Variants in MYO7A observed in about 807,000 individuals in gnomAD.
MYO7A encodes unconventional myosin-VIIa.
A neutral mutation model predicts 263.8 loss-of-function variants in MYO7A; 210 were observed. The observed-to-expected ratio is 0.80, with a 90% CI of 0.71 to 0.89. The LOEUF (loss-of-function observed/expected upper bound fraction) is 0.89, where lower values mean the gene tolerates loss of function less well. MYO7A is among the 40% of genes least tolerant of loss of function. MYO7A has a pLI of 0.00. For synonymous variants in MYO7A, 1,239 were observed against 1,197.3 expected (o/e 1.03, Z -0.72); for missense variants, 2,820 against 2,968.3 (o/e 0.95, Z 1.16).
Position 77,158,415 on chromosome 11 carries a change from A to C in MYO7A, c.988A>C (p.Asn330His). Reference protein sequence around the residue: ...KLLAAILHLGNLQYEARTFEN... With the variant: ...KLLAAILHLGHLQYEARTFEN... ...CCTGGCTGCCATCCTGCACCTGGGC[A>C]ACCTGCAGTATGAGGGTGAGGCTGC... The change falls in exon 9 of 49, where the codon AAC becomes CAC. Residue 330 changes from asparagine (N) to histidine (H), a missense_variant. Asn to His is a moderately conservative substitution (Grantham distance 68). Transcript: ENST00000409709. The C allele has an allele frequency of 6.2e-7, 1 of 1,612,126 alleles. No individual in the cohort carries two copies. The highest frequency in any genetic ancestry group is 8.5e-7 in the Non-Finnish European group (1 of 1,179,676).
rs1555067632 is a variant in MYO7A at position 77,160,262 on chromosome 11, G to A, written c.1180G>A (p.Val394Met). Residue 394 changes from valine (V) to methionine (M), a missense_variant, in exon 11 of 49, where the codon GTG becomes ATG. Val to Met is a conservative substitution (Grantham distance 21, BLOSUM62 1). Coordinates refer to ENST00000409709, the MANE Select transcript of MYO7A (RefSeq NM_000260.4). ...TPLSREQALD[V>M]RDAFVKGIYG... ...ACTGAGCAGGGAACAGGCACTGGAC[G>A]TGCGCGACGCCTTCGTAAAGGTGGG... 9.6e-6 allele frequency: 15 copies of A among 1,570,196 alleles called. No homozygotes were observed. The highest frequency in any genetic ancestry group is 1.9e-5 in the Admixed American group (1 of 53,988).
intron 13 of MYO7A, 46 bp from the exon 14 acceptor site, chr11:77,162,806 GC>G: frequency 6.3e-7 from 1 of 1,593,062 alleles, no homozygotes; most frequent in Non-Finnish European, 8.6e-7. Flanking sequence ...GGGGAGTGGG[GC>G]CCATGGAGGA....
intron 27 of MYO7A, among the ~76,000 whole-genome samples, chr11:77,185,210 G>A (rs980298337): frequency 3.3e-5 from 5 of 152,154 alleles, no homozygotes; most frequent in African/African-American, 9.7e-5. Flanking sequence ...GCTGAAGGTC[G>A]AGGTGGCTGC....
intron 10 of MYO7A, 119 bp from the exon 11 acceptor site, chr11:77,160,044 G>T: frequency 7.0e-7 from 1 of 1,425,752 alleles, no homozygotes; most frequent in East Asian, 2.5e-5. Flanking sequence ...CCTGGGGCAG[G>T]CGTGCTTAGT....
chr11:77,206,043 C>G, intron 40 of MYO7A, 54 bp from the exon 41 acceptor site: 1 of 1,404,174 alleles, frequency 7.1e-7, no homozygotes, highest in South Asian at 1.2e-5. Context: ...TCCCGGTCCC[C>G]TGGTCTCCAC....
In MYO7A at chr11:77,169,995, T is replaced by C. The variant is rs1016716110; in HGVS notation, c.1798-2753T>C. 2.0e-5 allele frequency among the ~76,000 whole-genome samples: 3 copies of C among 152,126 alleles called. No individual in the cohort carries two copies. The East Asian group carries it at 5.8e-4, about 29-fold the overall frequency. On this transcript the variant is annotated intron_variant, in intron 15 of 48. Coordinates refer to ENST00000409709, the MANE Select transcript of MYO7A (RefSeq NM_000260.4). ...GGAGGCTGAGACAGGAGGCCGAGTC[T>C]GGGAGGTCGAGGCTGCAATGAGCCA...
intron 14 of MYO7A, among the ~76,000 whole-genome samples, chr11:77,164,121 C>T (rs1953302003): frequency 6.6e-6 from 1 of 152,166 alleles, no homozygotes; most frequent in South Asian, 2.1e-4. Flanking sequence ...TCTTCTTTTC[C>T]CCTGGGGACA....
intron 9 of MYO7A, 33 bp from the exon 10 acceptor site, chr11:77,159,414 C>CCCCCCCA: frequency 7.3e-7 from 1 of 1,376,280 alleles, no homozygotes; most frequent in Admixed American, 1.7e-5. Flanking sequence ...CCCACCCTCC[C>CCCCCCCA]TCCCCTGATG....
rs763149544 is a variant in MYO7A, at chr11:77,203,040, C to T, written c.5169-20C>T. The stretch of plus-strand genomic sequence containing the variant: ...GCTGCCAGCGATGGGGCGTTGCTGA[C>T]GGTCCCTGTGCTGCGGCAGGCCCCC... On this transcript the variant is annotated intron_variant, in intron 37 of 48. Transcript: ENST00000409709. 4.1e-5 allele frequency: 64 copies of T among 1,545,200 alleles called. No individual in the cohort carries two copies. The highest frequency in any genetic ancestry group is 1.5e-4 in the African/African-American group (11 of 72,930).
At position 77,201,521 on chromosome 11, in the gene MYO7A, G is replaced by C; in HGVS notation, c.4926G>C (p.Gln1642His). Residue 1642 changes from glutamine (Q) to histidine (H), a missense_variant, in exon 36 of 49, where the codon CAG becomes CAC. Gln to His is a conservative substitution (Grantham distance 24). Transcript: ENST00000409709. ...TCCTGGACCATGACACGGGCGAGCA[G>C]GTCATGAACTCGGGCTGGGCCAACG... ...LIILDHDTGE[Q>H]VMNSGWANGI... The C allele has an allele frequency of 1.2e-6, 2 of 1,613,984 alleles. No homozygotes were observed. Among genetic ancestry groups the C allele is most frequent in the Non-Finnish European group, 1.7e-6 (2 of 1,179,904 alleles).
chr11:77,153,768 T>C (rs548242172), intron 4 of MYO7A, among the ~76,000 whole-genome samples: 75 of 152,196 alleles, frequency 4.9e-4, no homozygotes, highest in South Asian at 1.2e-3. Context: ...CTGTGCTTGC[T>C]ACCAGCGGCT....
intron 41 of MYO7A, chr11:77,206,941 T>G: frequency 1.0e-5 from 2 of 195,374 alleles, no homozygotes; most frequent in Non-Finnish European, 1.0e-5. Flanking sequence ...TCCCCTCCGC[T>G]TTTGGGTTTG....
chr11:77,182,641 C>T (rs967811343), intron 25 of MYO7A, 41 bp downstream of exon 25: 14 of 1,604,982 alleles, frequency 8.7e-6, no homozygotes, highest in Admixed American at 3.3e-5. Context: ...CCTCCCAGGC[C>T]GACAAGGAGG....
At chr11:77,196,110 T>C (rs1956643088) in intron 32 of MYO7A, among the ~76,000 whole-genome samples, 2 of 152,254 alleles carry the variant, frequency 1.3e-5, no homozygotes, top group African/African-American at 4.8e-5. Context: ...GGCTCACGCC[T>C]GTAATCCCAG....
chr11:77,154,659 T>C (rs4944143), intron 4 of MYO7A, among the ~76,000 whole-genome samples: 77,353 of 148,456 alleles, frequency 0.52, 21,368 homozygotes, highest in African/African-American at 0.7. Flanking sequence ...GCTTGGCTCT[T>C]GTGGTACGGT....
rs1476822661 is a variant in MYO7A at position 77,204,073 on chromosome 11, C to T, written c.5327-3C>T. The T allele has an allele frequency of 3.8e-6, 6 of 1,597,968 alleles. No homozygotes were observed. Among genetic ancestry groups the T allele is most frequent in the East Asian group, 4.6e-5 (2 of 43,912 alleles). On this transcript the variant is annotated splice_polypyrimidine_tract_variant and splice_region_variant and intron_variant, in intron 38 of 48. Coordinates refer to ENST00000409709, the MANE Select transcript of MYO7A (RefSeq NM_000260.4). ...GCACAAGCCCTTCCTTGACAGTCCC[C>T]AGCTGTGCTCAAGTACATGGGCGAC...
In MYO7A at chr11:77,172,741, CCCCCAG is replaced by C. The variant is rs1954228047; in HGVS notation, c.1798-6_1798-1del. 2.6e-6 allele frequency: 4 copies of C among 1,553,820 alleles called. No homozygotes were observed. Among genetic ancestry groups the C allele is most frequent in the Admixed American group, 3.9e-5 (2 of 51,648 alleles). ...GCCCCTCCCATCGCTGCCGTCCGTC[CCCCCAG>C]GGCGCCGAGACCAGGAAGCGCTCGC... On this transcript the variant is annotated splice_acceptor_variant and splice_polypyrimidine_tract_variant and intron_variant, in intron 15 of 48. Coordinates refer to ENST00000409709, the MANE Select transcript of MYO7A (RefSeq NM_000260.4). LOFTEE classifies it high-confidence loss of function.
At chr11:77,173,256 A>G (rs1162598287) in intron 16 of MYO7A, among the ~76,000 whole-genome samples, 1 of 152,346 alleles carries the variant, frequency 6.6e-6, no homozygotes, top group East Asian at 1.9e-4. Context: ...ACACCCAGCA[A>G]GTGCCCAGTG....
At position 77,156,059 on chromosome 11, in the gene MYO7A, A is replaced by G; in HGVS notation, c.438A>G (p.Lys146=). The G allele has an allele frequency of 6.2e-7, 1 of 1,613,924 alleles. No individual in the cohort carries two copies. Among genetic ancestry groups the G allele is most frequent in the Non-Finnish European group, 8.5e-7 (1 of 1,179,876 alleles). ...CTGACAACTGCTACTTCAACATGAA[A>G]CGCAACAGCCGAGACCAGTGCTGCA... ...AIADNCYFNM[K]RNSRDQCCII... The change falls in exon 5 of 49, where the codon AAA becomes AAG. Residue 146 remains lysine (K), a synonymous_variant. Coordinates refer to ENST00000409709, the MANE Select transcript of MYO7A (RefSeq NM_000260.4).
Sources: allele counts gnomAD v4.1 joint callset (sites outside exome capture counted in the v4.1 genomes callset), GRCh38; gene constraint gnomAD v4.1.1; transcripts MANE v1.5; gene names NCBI Gene and HGNC (gene_info 2026-07-23, HGNC 2026-07-21).